Variants in CNTNAP5 observed in about 807,000 individuals in gnomAD.
CNTNAP5 encodes contactin associated protein family member 5, also known as contactin-associated protein-like 5.
Under a neutral mutation model 150.2 loss-of-function variants are expected in CNTNAP5, and 72 were observed. The observed-to-expected ratio is 0.48, with a 90% CI of 0.40 to 0.58. CNTNAP5 has a LOEUF of 0.58. Ranked by LOEUF, CNTNAP5 falls within the 20% of genes least tolerant of loss-of-function variation. The pLI, the probability that CNTNAP5 is intolerant of heterozygous loss-of-function variation, is 0.00. For missense variants in CNTNAP5, 1,636 were observed against 1,626.2 expected, an observed-to-expected ratio of 1.01 and a Z score of -0.10; for synonymous variants, 672 against 619.8, an observed-to-expected ratio of 1.08 and a Z score of -1.25.
At chr2:124,750,469 A>G (rs940412720) in intron 14 of CNTNAP5, among the ~76,000 whole-genome samples, 1 of 152,176 alleles carries the variant, frequency 6.6e-6, no homozygotes, top group African/African-American at 2.4e-5. Context: ...AAGGGTTTTT[A>G]TAAATACTTT....
intron 12 of CNTNAP5, among the ~76,000 whole-genome samples, chr2:124,627,845 A>G (rs10182478): frequency 0.034 from 5,185 of 152,312 alleles, 268 homozygotes; most frequent in African/African-American, 0.11. Flanking sequence ...GCTGTTAACT[A>G]GAATAACCAG....
rs202130696 is a variant in CNTNAP5, at chr2:124,668,492, T to A, written c.2077+20534T>A. ...ACTGTGTATCAGGGAGAGGCCTTCA[T>A]AATTACTTTATTTACCAAGCCTTGC... On this transcript the variant is annotated intron_variant, in intron 13 of 23. Coordinates refer to ENST00000682447, the MANE Select transcript of CNTNAP5 (RefSeq NM_001367498.1). Among the ~76,000 whole-genome samples, 18 of 152,236 alleles carry A rather than the reference T, an allele frequency of 1.2e-4. No homozygotes were observed. The East Asian group carries it at 3.5e-3, about 30-fold the overall frequency.
chr2:124,620,614 G>A (rs971141739), intron 12 of CNTNAP5, among the ~76,000 whole-genome samples: 10 of 151,944 alleles, frequency 6.6e-5, no homozygotes, highest in Admixed American at 6.6e-4. Context: ...CTAGCTGGAT[G>A]GCCTTGGATA....
intron 13 of CNTNAP5, among the ~76,000 whole-genome samples, chr2:124,741,556 CA>C (rs138909028): frequency 0.011 from 1,692 of 152,240 alleles, 40 homozygotes; most frequent in African/African-American, 0.039. Context: ...TAATCATGTA[CA>C]AATTAGATTT....
chr2:124,262,303 T>C lies in CNTNAP5; in HGVS notation c.381+19910T>C, dbSNP rs556523315. Among the ~76,000 whole-genome samples the C allele has an allele frequency of 2.4e-4, 36 of 152,190 alleles. 1 individual carries two copies. Among genetic ancestry groups the C allele is most frequent in the African/African-American group, 7.2e-4 (30 of 41,544 alleles). The stretch of plus-strand genomic sequence containing the variant: ...AAGCAGGACTATGATGAAAGATATA[T>C]AATAGAAAAGTATGATATGAATCAA... On this transcript the variant is annotated intron_variant, in intron 3 of 23. Transcript: ENST00000682447.
Position 124,673,262 on chromosome 2 carries a change from G to A in CNTNAP5, c.2077+25304G>A, listed in dbSNP as rs940235041. On this transcript the variant is annotated intron_variant, in intron 13 of 23. Transcript: ENST00000682447. ...TCTCTTAAAAAAAACACATTTAAAA[G>A]CACTAACATGTTCTCAGAATGTGCT... Among the ~76,000 whole-genome samples, 10 of 151,942 alleles carry A rather than the reference G, an allele frequency of 6.6e-5. 1 individual carries two copies. Among genetic ancestry groups the A allele is most frequent in the Admixed American group, 6.6e-4 (10 of 15,246 alleles).
chr2:124,305,911 T>C (rs534311449), intron 3 of CNTNAP5, among the ~76,000 whole-genome samples: 171 of 152,330 alleles, frequency 1.1e-3, no homozygotes, highest in African/African-American at 3.9e-3. Flanking sequence ...TTTGCCTGTG[T>C]CCCTTATGGC....
At chr2:124,491,788 A>G (rs1573410612) in intron 7 of CNTNAP5, among the ~76,000 whole-genome samples, 2 of 151,632 alleles carry the variant, frequency 1.3e-5, no homozygotes, top group African/African-American at 4.8e-5. Context: ...CAGCCACCCT[A>G]ACAGGTATGA....
At chr2:124,258,108 C>G (rs187000017) in intron 3 of CNTNAP5, among the ~76,000 whole-genome samples, 32 of 152,204 alleles carry the variant, frequency 2.1e-4, no homozygotes, top group African/African-American at 7.5e-4. Flanking sequence ...CCTGGCATGA[C>G]ATAAATACCC....
intron 3 of CNTNAP5, among the ~76,000 whole-genome samples, chr2:124,243,269 C>A (rs1686932618): frequency 6.6e-6 from 1 of 152,174 alleles, no homozygotes; most frequent in Non-Finnish European, 1.5e-5. Flanking sequence ...AAATTAATAG[C>A]ATATTCTTTC....
At chr2:124,533,615 C>T (rs1168083511) in intron 10 of CNTNAP5, among the ~76,000 whole-genome samples, 2 of 152,152 alleles carry the variant, frequency 1.3e-5, no homozygotes, top group African/African-American at 4.8e-5. Flanking sequence ...GCAGCTCCCT[C>T]AAAGTCCCAA....
rs187087076 is a variant in CNTNAP5, at chr2:124,715,986, C to T, written c.2078-31243C>T. Among the ~76,000 whole-genome samples, 4 of 152,276 alleles carry T rather than the reference C, an allele frequency of 2.6e-5. No homozygotes were observed. The East Asian group carries it at 7.7e-4, about 29-fold the overall frequency. On this transcript the variant is annotated intron_variant, in intron 13 of 23. Coordinates refer to ENST00000682447, the MANE Select transcript of CNTNAP5 (RefSeq NM_001367498.1). ...AAGCGAGTGTACAACTCCTCTAAAA[C>T]TAATTCTACTGAGGTATATGTTTAC...
At chr2:124,326,474 G>A (rs1007730733) in intron 3 of CNTNAP5, among the ~76,000 whole-genome samples, 1 of 151,932 alleles carries the variant, frequency 6.6e-6, no homozygotes, top group African/African-American at 2.4e-5. Flanking sequence ...GCTTGACAGA[G>A]AAAAAAACAA....
intron 3 of CNTNAP5, among the ~76,000 whole-genome samples, chr2:124,243,112 G>A (rs1686927920): frequency 6.6e-6 from 1 of 152,170 alleles, no homozygotes; most frequent in Non-Finnish European, 1.5e-5. Context: ...GGAAAAGGTG[G>A]AGGTGAAGCA....
chr2:124,892,258 G>A (rs148039291), intron 21 of CNTNAP5, among the ~76,000 whole-genome samples: 130 of 152,224 alleles, frequency 8.5e-4, no homozygotes, highest in Non-Finnish European at 1.6e-3. Flanking sequence ...TGGAGAAACT[G>A]GGAAGGAAAT....
chr2:124,636,108 G>C (rs1207353578), intron 12 of CNTNAP5, among the ~76,000 whole-genome samples: 2 of 152,102 alleles, frequency 1.3e-5, no homozygotes, highest in Non-Finnish European at 2.9e-5. Context: ...GCTTGTAATT[G>C]AAAAACATCT....
At chr2:124,882,109 T>C (rs1307959958) in intron 21 of CNTNAP5, among the ~76,000 whole-genome samples, 3 of 151,686 alleles carry the variant, frequency 2.0e-5, no homozygotes, top group Non-Finnish European at 4.4e-5. Flanking sequence ...AGTTCAGGGG[T>C]TTTGAATAGT....
intron 11 of CNTNAP5, among the ~76,000 whole-genome samples, chr2:124,594,408 G>T (rs1488432406): frequency 6.6e-6 from 1 of 152,038 alleles, no homozygotes; most frequent in Non-Finnish European, 1.5e-5. Context: ...TTTCCCCATT[G>T]CTTGTTTTTC....
At chr2:124,270,735 A>C (rs1313902668) in intron 3 of CNTNAP5, among the ~76,000 whole-genome samples, 1 of 152,194 alleles carries the variant, frequency 6.6e-6, no homozygotes, top group Admixed American at 6.5e-5. Flanking sequence ...CCAAGACAAA[A>C]TGTTACCACA....
Sources: gnomAD v4.1 joint callset for allele counts (sites outside exome capture counted in the v4.1 genomes callset) on GRCh38, gnomAD v4.1.1 for gene constraint, MANE v1.5 for transcripts, NCBI Gene and HGNC (gene_info 2026-07-23, HGNC 2026-07-21) for gene names.